NDST3: variants seen among roughly 807,000 people sequenced by gnomAD.
NDST3 encodes the protein N-deacetylase and N-sulfotransferase 3.
NDST3 carries 58 observed loss-of-function variants against 96.1 expected under a neutral mutation model. That is an observed-to-expected ratio of 0.60 (90% CI 0.49 to 0.75). The LOEUF (loss-of-function observed/expected upper bound fraction) is 0.75, where lower values mean the gene tolerates loss of function less well. Ranked by LOEUF, NDST3 falls within the 30% of genes least tolerant of loss-of-function variation. The pLI is 0.00. For synonymous variants in NDST3, 333 were observed against 359.7 expected (o/e 0.93, Z 0.84); for missense variants, 788 against 1,034.2 (o/e 0.76, Z 3.27).
intron 6 of NDST3, among the ~76,000 whole-genome samples, chr4:118,180,293 T>C (rs182234104): frequency 5.5e-4 from 84 of 152,266 alleles, no homozygotes; most frequent in Non-Finnish European, 9.1e-4. Flanking sequence ...TGTCTACTGC[T>C]GCCATCTTTA....
chr4:118,058,451 CCTAAGTTGAGGT>C (rs1246526829), intron 2 of NDST3, among the ~76,000 whole-genome samples: 3 of 140,042 alleles, frequency 2.1e-5, no homozygotes, highest in African/African-American at 8.0e-5. Flanking sequence ...AAAAAACAGA[CCTAAGTTGAGGT>C]CTTTGTTTGT....
At chr4:118,156,397 T>C (rs1341597815) in intron 6 of NDST3, among the ~76,000 whole-genome samples, 1 of 152,212 alleles carries the variant, frequency 6.6e-6, no homozygotes, top group East Asian at 1.9e-4. Context: ...CTATAATCAA[T>C]TATCTTTACC....
intron 2 of NDST3, among the ~76,000 whole-genome samples, chr4:118,078,286 A>C (rs796904812): frequency 3.3e-5 from 5 of 152,286 alleles, no homozygotes; most frequent in African/African-American, 7.2e-5. Context: ...TTCACTAGTC[A>C]GTGAAAATGA....
chr4:118,110,271 G>T (rs963543198), intron 3 of NDST3, among the ~76,000 whole-genome samples: 2 of 152,172 alleles, frequency 1.3e-5, no homozygotes, highest in African/African-American at 4.8e-5. Flanking sequence ...TATATTGAAT[G>T]AATAAATGCT....
chr4:118,095,587 T>C (rs1336574344), intron 2 of NDST3, among the ~76,000 whole-genome samples: 1 of 151,592 alleles, frequency 6.6e-6, no homozygotes, highest in East Asian at 1.9e-4. Flanking sequence ...GCAGGTGAAA[T>C]TCACTTATGT....
At chr4:118,056,092 G>T (rs1725410515) in intron 2 of NDST3, among the ~76,000 whole-genome samples, 2 of 151,788 alleles carry the variant, frequency 1.3e-5, no homozygotes, top group African/African-American at 4.8e-5. Flanking sequence ...AAACCAAGCT[G>T]GTAGTTTAAG....
At chr4:118,179,418 A>G (rs1295960373) in intron 6 of NDST3, among the ~76,000 whole-genome samples, 1 of 152,054 alleles carries the variant, frequency 6.6e-6, no homozygotes, top group Non-Finnish European at 1.5e-5. Context: ...TTTTAATTAA[A>G]TTAGATCATA....
At chr4:118,169,468 C>A (rs1270089954) in intron 6 of NDST3, among the ~76,000 whole-genome samples, 6 of 152,030 alleles carry the variant, frequency 3.9e-5, no homozygotes, top group Non-Finnish European at 8.8e-5. Flanking sequence ...ATTTTACAAT[C>A]TCTCATGATT....
chr4:118,128,578 T>A (rs1029844141), intron 4 of NDST3, among the ~76,000 whole-genome samples: 1 of 152,100 alleles, frequency 6.6e-6, no homozygotes, highest in African/African-American at 2.4e-5. Flanking sequence ...TATTGTTGGA[T>A]TTGCATTGTT....
chr4:118,083,068 T>C (rs893920382), intron 2 of NDST3, among the ~76,000 whole-genome samples: 2 of 152,164 alleles, frequency 1.3e-5, no homozygotes, highest in African/African-American at 4.8e-5. Flanking sequence ...ACACTGGGAA[T>C]TATAATTTGA....
intron 6 of NDST3, among the ~76,000 whole-genome samples, chr4:118,209,928 T>C (rs1049184815): frequency 4.6e-5 from 7 of 152,168 alleles, no homozygotes; most frequent in Non-Finnish European, 7.4e-5. Context: ...TGACATCTTT[T>C]GTCTCCCCCT....
At chr4:118,241,192 G>A (rs1740983348) in intron 11 of NDST3, among the ~76,000 whole-genome samples, 1 of 152,144 alleles carries the variant, frequency 6.6e-6, no homozygotes, top group African/African-American at 2.4e-5. Context: ...ATATACCTGT[G>A]AGTCTAGAGC....
chr4:118,077,418 G>C (rs757609490), intron 2 of NDST3, among the ~76,000 whole-genome samples: 24 of 152,238 alleles, frequency 1.6e-4, no homozygotes, highest in Non-Finnish European at 3.1e-4. Flanking sequence ...TGGCGCTTAA[G>C]AGTGTTAGCA....
At chr4:118,175,147 C>T (rs967443118) in intron 6 of NDST3, among the ~76,000 whole-genome samples, 8 of 152,108 alleles carry the variant, frequency 5.3e-5, no homozygotes, top group African/African-American at 1.9e-4. Flanking sequence ...TCCTTGATTT[C>T]ATTGTTTTCT....
chr4:118,234,876 A>T (rs1201197638), intron 9 of NDST3, among the ~76,000 whole-genome samples: 1 of 151,970 alleles, frequency 6.6e-6, no homozygotes, highest in Non-Finnish European at 1.5e-5. Flanking sequence ...CTAAAAATAC[A>T]AAAATTAGCT....
At chr4:118,169,803 A>AG (rs1735811366) in intron 6 of NDST3, among the ~76,000 whole-genome samples, 1 of 151,158 alleles carries the variant, frequency 6.6e-6, no homozygotes, top group Non-Finnish European at 1.5e-5. Flanking sequence ...CAAAAAAAAA[A>AG]AAAAAAGAGA....
At chr4:118,174,382 T>C (rs555740928) in intron 6 of NDST3, among the ~76,000 whole-genome samples, 5 of 152,344 alleles carry the variant, frequency 3.3e-5, no homozygotes, top group African/African-American at 1.2e-4. Context: ...CTCTGTTATT[T>C]TGCAAATGAT....
intron 2 of NDST3, among the ~76,000 whole-genome samples, chr4:118,071,709 G>T (rs1727091539): frequency 1.3e-5 from 2 of 152,116 alleles, no homozygotes; most frequent in South Asian, 4.1e-4. Context: ...ATTGTGAATA[G>T]TGCTGCCATG....
intron 2 of NDST3, among the ~76,000 whole-genome samples, chr4:118,069,448 A>G (rs1553927532): frequency 6.6e-6 from 1 of 152,086 alleles, no homozygotes; most frequent in Non-Finnish European, 1.5e-5. Context: ...GCCTTTGAGA[A>G]ACTACAATTA....
Sources: allele counts gnomAD v4.1 joint callset (sites outside exome capture counted in the v4.1 genomes callset), GRCh38; gene constraint gnomAD v4.1.1; transcripts MANE v1.5; gene names NCBI Gene and HGNC (gene_info 2026-07-23, HGNC 2026-07-21).